ROBO2: variants seen among roughly 807,000 people sequenced by gnomAD.
ROBO2 encodes the protein roundabout guidance receptor 2.
In ROBO2, 53 loss-of-function variants were observed where a neutral mutation model predicts 160.8. That is an observed-to-expected ratio of 0.33 (90% confidence interval 0.26 to 0.41). The LOEUF is 0.41. Among genes scored for constraint, ROBO2 ranks in the 10% least tolerant of loss-of-function variants. The pLI, the probability that ROBO2 is intolerant of heterozygous loss-of-function variation, is 1.00. For synonymous variants in ROBO2, 664 were observed against 611.7 expected (o/e 1.09, Z -1.26); for missense variants, 1,577 against 1,722.4 (o/e 0.92, Z 1.49).
chr3:76,915,751 T>C (rs967669041), intron 2 of ROBO2, among the ~76,000 whole-genome samples: 2 of 151,936 alleles, frequency 1.3e-5, no homozygotes, highest in Non-Finnish European at 2.9e-5. Flanking sequence ...TATCCTTTCT[T>C]GCTTAGAGCA....
At chr3:77,209,709 T>C (rs1416120050) in intron 2 of ROBO2, among the ~76,000 whole-genome samples, 3 of 152,176 alleles carry the variant, frequency 2.0e-5, no homozygotes, top group Admixed American at 6.5e-5. Flanking sequence ...TGGAGTTAGT[T>C]TCCTAATCTA....
chr3:77,134,145 CAG>C (rs2076084146), intron 2 of ROBO2, among the ~76,000 whole-genome samples: 1 of 151,896 alleles, frequency 6.6e-6, no homozygotes, highest in South Asian at 2.1e-4. Context: ...CATTGCACTC[CAG>C]CCTGGGCAAC....
chr3:76,320,013 A>G (rs1465815940), intron 2 of ROBO2, among the ~76,000 whole-genome samples: 2 of 152,036 alleles, frequency 1.3e-5, no homozygotes, highest in African/African-American at 4.8e-5. Flanking sequence ...CTTTTTAGGC[A>G]GGATATGGTT....
chr3:76,788,784 C>T (rs1328324784), intron 2 of ROBO2, among the ~76,000 whole-genome samples: 1 of 151,414 alleles, frequency 6.6e-6, no homozygotes. Flanking sequence ...TTTCAGTAGT[C>T]GGGCCTTTGA....
chr3:76,238,747 A>G (rs1705112358), intron 2 of ROBO2, among the ~76,000 whole-genome samples: 2 of 147,820 alleles, frequency 1.4e-5, no homozygotes, highest in Admixed American at 6.7e-5. Context: ...GAAGAACATG[A>G]GGAAAACCAC....
At chr3:77,617,863 A>G in intron 22 of ROBO2, 90 bp downstream of exon 23, 1 of 1,361,210 alleles carries the variant, frequency 7.3e-7, no homozygotes, top group Non-Finnish European at 1.0e-6. Flanking sequence ...TGATAGAACT[A>G]CACAGCTAGG....
At chr3:76,291,798 G>A (rs1028503197) in intron 2 of ROBO2, among the ~76,000 whole-genome samples, 1 of 151,934 alleles carries the variant, frequency 6.6e-6, no homozygotes, top group African/African-American at 2.4e-5. Context: ...TCAGAAGCAG[G>A]TTTAATTTCC....
chr3:76,571,110 A>G (rs1314681671), intron 2 of ROBO2, among the ~76,000 whole-genome samples: 1 of 152,152 alleles, frequency 6.6e-6, no homozygotes, highest in African/African-American at 2.4e-5. Flanking sequence ...AGCATGTATA[A>G]CTCACAGTTC....
intron 2 of ROBO2, among the ~76,000 whole-genome samples, chr3:76,810,126 G>A (rs1002375658): frequency 6.6e-6 from 1 of 151,964 alleles, no homozygotes; most frequent in African/African-American, 2.4e-5. Context: ...CAAAGAAACA[G>A]GAAAGTCATG....
chr3:76,010,825 C>T (rs1464277708), intron 2 of ROBO2, among the ~76,000 whole-genome samples: 2 of 152,134 alleles, frequency 1.3e-5, no homozygotes, highest in Admixed American at 6.5e-5. Context: ...TAAATATAAA[C>T]GTGTAGATTG....
chr3:77,200,322 T>TATATATATATATATA (rs2082782226), intron 2 of ROBO2, among the ~76,000 whole-genome samples: 1 of 63,920 alleles, frequency 1.6e-5, no homozygotes, highest in Non-Finnish European at 3.9e-5. Context: ...TATATATATA[T>TATATATATATATATA]TTTAGTTTCT....
intron 2 of ROBO2, among the ~76,000 whole-genome samples, chr3:77,309,984 A>C (rs116350579): frequency 0.011 from 1,404 of 124,922 alleles, 25 homozygotes; most frequent in African/African-American, 0.036. Context: ...AGTGGTAGTT[A>C]GACAGTAGCT....
At chr3:77,382,473 T>C (rs992359930) in intron 2 of ROBO2, among the ~76,000 whole-genome samples, 1 of 152,106 alleles carries the variant, frequency 6.6e-6, no homozygotes, top group Non-Finnish European at 1.5e-5. Flanking sequence ...AATGGTTGAA[T>C]TGTGTAGCGG....
rs1314344723 is a variant in ROBO2, at chr3:76,272,884, A to T, written c.109+335282A>T. ...TATATAAAATATATAATATATATTT[A>T]TATATAAAAATATAATATATATTTA... On this transcript the variant is annotated intron_variant, in intron 2 of 26. Coordinates refer to the ROBO2 transcript ENST00000487694. 7.7e-4 allele frequency among the ~76,000 whole-genome samples: 50 copies of T among 64,532 alleles called. 7 individuals are homozygous for T. The highest frequency in any genetic ancestry group is 3.5e-3 in the African/African-American group (50 of 14,488). The allele number at this position is 64,532 out of a possible 152,430, so 42.3% of individuals were successfully genotyped here.
chr3:77,183,673 C>T (rs2081014826), intron 2 of ROBO2, among the ~76,000 whole-genome samples: 1 of 151,968 alleles, frequency 6.6e-6, no homozygotes, highest in Admixed American at 6.6e-5. Context: ...TGTGTTATGG[C>T]ATCCCCAGCC....
rs187597518 is a variant in ROBO2 at position 75,921,826 on chromosome 3, T to G, written c.-14+14866T>G. Among the ~76,000 whole-genome samples, 4 of 152,286 alleles carry G rather than the reference T, an allele frequency of 2.6e-5. No individual in the cohort carries two copies. The East Asian group carries it at 7.7e-4, about 29-fold the overall frequency. On this transcript the variant is annotated intron_variant, in intron 1 of 26. Transcript: ENST00000487694. The stretch of plus-strand genomic sequence containing the variant: ...CAGTATCTGGCACAATGTTAAGTAG[T>G]AGAAATATAATCGTAAGCAAAATTC...
At chr3:77,018,943 G>T (rs765597457) in intron 2 of ROBO2, among the ~76,000 whole-genome samples, 9 of 152,126 alleles carry the variant, frequency 5.9e-5, no homozygotes, top group Non-Finnish European at 2.9e-5. Context: ...TGATTTCACT[G>T]CTCTGAATTA....
chr3:75,946,085 A>G (rs1559774244), intron 2 of ROBO2, among the ~76,000 whole-genome samples: 1 of 152,086 alleles, frequency 6.6e-6, no homozygotes, highest in East Asian at 1.9e-4. Flanking sequence ...TCCTTCTACC[A>G]GGAAAAAAAT....
intron 2 of ROBO2, among the ~76,000 whole-genome samples, chr3:76,633,622 T>C (rs184869983): frequency 1.0e-3 from 155 of 152,332 alleles, no homozygotes; most frequent in African/African-American, 3.5e-3. Flanking sequence ...TTGAATTCAC[T>C]ACACCAAGAA....
Sources: allele counts gnomAD v4.1 joint callset (sites outside exome capture counted in the v4.1 genomes callset), GRCh38; gene constraint gnomAD v4.1.1; transcripts MANE v1.5; gene names NCBI Gene and HGNC (gene_info 2026-07-23, HGNC 2026-07-21).